CHRDL1: variants seen among roughly 807,000 people sequenced by gnomAD.
The protein encoded by CHRDL1 is chordin-like protein 1.
In CHRDL1, 19 loss-of-function variants were observed where a neutral mutation model predicts 40.9. The observed-to-expected ratio is 0.46, with a 90% confidence interval of 0.32 to 0.68. The LOEUF is 0.68. Among genes scored for constraint, CHRDL1 ranks in the 30% least tolerant of loss-of-function variants. The pLI, the probability that CHRDL1 is intolerant of heterozygous loss-of-function variation, is 0.03. For missense variants in CHRDL1, 329 were observed against 352.1 expected, an observed-to-expected ratio of 0.93 and a Z score of 0.53; for synonymous variants, 136 against 123.4, an observed-to-expected ratio of 1.10 and a Z score of -0.68.
rs182751833 is a variant in CHRDL1 at position 110,738,669 on chromosome X, G to A, written c.302-17139C>T. Among the ~76,000 whole-genome samples the A allele has an allele frequency of 3.9e-3, 421 of 107,919 alleles. 5 individuals are homozygous for A. Among genetic ancestry groups the A allele is most frequent in the African/African-American group, 0.013 (393 of 29,367 alleles). The allele number at this position is 107,919 out of a possible 115,157, so 93.7% of individuals were successfully genotyped here. ...AGGCAGGAGAATGGCGTGAACCCGGGAGGTGGAGCTTGTAGTGAGCCGACA... is the reference window on the plus strand; with the variant it reads ...AGGCAGGAGAATGGCGTGAACCCGGAAGGTGGAGCTTGTAGTGAGCCGACA... On this transcript the variant is annotated intron_variant, in intron 4 of 11. Coordinates refer to ENST00000372042, the MANE Select transcript of CHRDL1 (RefSeq NM_001143981.2).
chrX:110,688,607 A>G lies in CHRDL1; in HGVS notation c.975T>C (p.Gly325=). 1 of 1,209,312 alleles carries G rather than the reference A, an allele frequency of 8.3e-7. No homozygotes were observed. The highest frequency in any genetic ancestry group is 3.0e-5 in the East Asian group (1 of 33,823). Residue 325 remains glycine (G), a synonymous_variant, in exon 9 of 12, where the codon GGT becomes GGC. Coordinates refer to ENST00000372042, the MANE Select transcript of CHRDL1 (RefSeq NM_001143981.2). ...CAACCAACGCACCTTTTGCTTTTTT[A>G]CCTGGACACACCTTGCAGCATTTTC... The part of the protein sequence containing the change: ...IDGKCCKVCP[G]KKAKEELPGQ...
intron 4 of CHRDL1, among the ~76,000 whole-genome samples, chrX:110,751,619 G>A (rs184937625): frequency 3.6e-4 from 40 of 112,022 alleles, no homozygotes; most frequent in Non-Finnish European, 2.3e-4. Flanking sequence ...AAGACAAAAT[G>A]TAATAGATTC....
intron 3 of CHRDL1, among the ~76,000 whole-genome samples, chrX:110,761,677 T>C (rs983155938): frequency 8.9e-5 from 10 of 111,819 alleles, no homozygotes; most frequent in Non-Finnish European, 1.5e-4. Flanking sequence ...CATCCCACAA[T>C]GCGCAGGACA....
chrX:110,717,161 G>A (rs995547936), intron 6 of CHRDL1, among the ~76,000 whole-genome samples: 1 of 111,674 alleles, frequency 9.0e-6, no homozygotes, highest in Non-Finnish European at 1.9e-5. Flanking sequence ...CAGAATGAAC[G>A]ATGGGGTCTG....
chrX:110,758,306 A>T (rs1164658796), intron 4 of CHRDL1, among the ~76,000 whole-genome samples: 4 of 106,784 alleles, frequency 3.7e-5, no homozygotes, highest in African/African-American at 1.0e-4. Flanking sequence ...CTTATTCCAA[A>T]AAAAACCCAA....
chrX:110,762,856 G>A, intron 2 of CHRDL1, 49 bp from the exon 3 acceptor site: 2 of 708,816 alleles, frequency 2.8e-6, no homozygotes, highest in Non-Finnish European at 4.5e-6. Flanking sequence ...CATCAACCAA[G>A]TCACAAAATT....
chrX:110,677,165 C>T (rs772244607), intron 11 of CHRDL1, among the ~76,000 whole-genome samples: 1 of 111,621 alleles, frequency 9.0e-6, no homozygotes, highest in East Asian at 2.8e-4. Flanking sequence ...ACCTCTTTTT[C>T]TTTTCCTTAG....
rs754055781 is a variant in CHRDL1, at chrX:110,686,891, C to CAAAAA, written c.988+1698_988+1702dup. 1.0e-3 allele frequency among the ~76,000 whole-genome samples: 89 copies of CAAAAA among 85,337 alleles called. 1 individual carries two copies. Among genetic ancestry groups the CAAAAA allele is most frequent in the African/African-American group, 2.8e-3 (53 of 18,637 alleles). The allele number at this position is 85,337 out of a possible 115,157, so 74.1% of individuals were successfully genotyped here. ...AGAGCTAGACTCTGTCTCAAAAAAA[C>CAAAAA]AAAAAATAAAAAAAAAAATAAAAAG... On this transcript the variant is annotated intron_variant, in intron 9 of 11. Transcript: ENST00000372042.
At chrX:110,677,669 T>C (rs1277246770) in intron 11 of CHRDL1, among the ~76,000 whole-genome samples, 1 of 111,741 alleles carries the variant, frequency 8.9e-6, no homozygotes, top group Non-Finnish European at 1.9e-5. Context: ...ACTTTTCCAT[T>C]TGAATTCTCA....
Position 110,756,665 on chromosome X carries a change from AAAG to A in CHRDL1, c.301+2993_301+2995del, listed in dbSNP as rs759314137. ...ATAAAGCCTGCAACAACCATCCCACAAAGAAGGGCTCATGTAAGAAAAAACAAA... is the reference window on the plus strand; with the variant it reads ...ATAAAGCCTGCAACAACCATCCCACAAAGGGCTCATGTAAGAAAAAACAAA... On this transcript the variant is annotated intron_variant, in intron 4 of 11. Transcript: ENST00000372042. Among the ~76,000 whole-genome samples, 14 of 110,869 alleles carry A rather than the reference AAAG, an allele frequency of 1.3e-4. No homozygotes were observed. In the East Asian group the frequency reaches 2.2e-3, roughly 18 times the overall value.
At chrX:110,733,393 C>G (rs1196750190) in intron 4 of CHRDL1, among the ~76,000 whole-genome samples, 1 of 111,357 alleles carries the variant, frequency 9.0e-6, no homozygotes, top group African/African-American at 3.3e-5. Context: ...CATGCTAGCC[C>G]CAACTGCCCC....
chrX:110,712,617 C>A (rs2070765239), intron 6 of CHRDL1, among the ~76,000 whole-genome samples: 1 of 110,684 alleles, frequency 9.0e-6, no homozygotes, highest in Non-Finnish European at 1.9e-5. Context: ...GTCTGTAATC[C>A]CAGCACTTTG....
intron 6 of CHRDL1, among the ~76,000 whole-genome samples, chrX:110,703,234 C>G (rs2070552707): frequency 8.9e-6 from 1 of 111,873 alleles, no homozygotes; most frequent in East Asian, 2.8e-4. Flanking sequence ...CTGATGGATG[C>G]AGGAGTTTGT....
chrX:110,776,806 G>T (rs1034212053), intron 2 of CHRDL1, among the ~76,000 whole-genome samples: 1 of 108,554 alleles, frequency 9.2e-6, no homozygotes, highest in African/African-American at 3.4e-5. Flanking sequence ...CTGCCAGAGA[G>T]GTACAATTGT....
chrX:110,720,178 A>C (rs767334309), intron 5 of CHRDL1, among the ~76,000 whole-genome samples: 1 of 111,741 alleles, frequency 8.9e-6, no homozygotes, highest in East Asian at 2.8e-4. Flanking sequence ...AAGGTGGTAC[A>C]AAGTAGTCTG....
At chrX:110,683,262 A>C (rs935401953) in intron 9 of CHRDL1, among the ~76,000 whole-genome samples, 2 of 105,796 alleles carry the variant, frequency 1.9e-5, no homozygotes, top group Non-Finnish European at 3.9e-5. Flanking sequence ...AAATGCTAAG[A>C]AAAGCAAAGT....
In CHRDL1 at chrX:110,676,332, C is replaced by T. The variant is rs1569457374; in HGVS notation, c.1276G>A (p.Ala426Thr). 1 of 1,210,590 alleles carries T rather than the reference C, an allele frequency of 8.3e-7. No individual in the cohort carries two copies. Among genetic ancestry groups the T allele is most frequent in the Non-Finnish European group, 1.1e-6 (1 of 894,634 alleles). ...CTTGAACACATCTGGCTGATCTGAG[C>T]TTCTCCTTCGGTGAAGATCTTCCAC... ...SQWKIFTEGE[A>T]QISQMCSSRV... is the part of the protein sequence containing the mutation. The change falls in exon 12 of 12, where the codon GCT (alanine) becomes ACT (threonine). Residue 426 changes from alanine (A) to threonine (T), a missense_variant. Physicochemically the swap from Ala to Thr is moderately conservative, Grantham distance 58. Coordinates refer to ENST00000372042, the MANE Select transcript of CHRDL1 (RefSeq NM_001143981.2).
chrX:110,775,925 A>G (rs187105131), intron 2 of CHRDL1, among the ~76,000 whole-genome samples: 1 of 111,254 alleles, frequency 9.0e-6, no homozygotes, highest in Admixed American at 9.6e-5. Flanking sequence ...AGAGTTTACA[A>G]TATACATTTA....
intron 2 of CHRDL1, among the ~76,000 whole-genome samples, chrX:110,763,545 A>C (rs187939741): frequency 9.7e-4 from 101 of 103,850 alleles, no homozygotes; most frequent in African/African-American, 3.7e-3. Context: ...AAACATATAT[A>C]TATATATATA....
Sources: allele counts gnomAD v4.1 joint callset (sites outside exome capture counted in the v4.1 genomes callset), GRCh38; gene constraint gnomAD v4.1.1; transcripts MANE v1.5; gene names NCBI Gene and HGNC (gene_info 2026-07-23, HGNC 2026-07-21).